HLCS: variants seen among roughly 807,000 people sequenced by gnomAD.
HLCS encodes the protein biotin--protein ligase.
HLCS carries 53 observed loss-of-function variants against 75.0 expected under a neutral mutation model. The ratio of observed to expected loss-of-function variants is 0.71; its 90% CI spans 0.57 to 0.89. The LOEUF (loss-of-function observed/expected upper bound fraction) is 0.89, where lower values mean the gene tolerates loss of function less well. Among genes scored for constraint, HLCS ranks in the 40% least tolerant of loss-of-function variants. The probability of loss-of-function intolerance (pLI) is 0.00; values close to 1 mark genes in which losing one functional copy is unlikely to be tolerated. For synonymous variants in HLCS, 431 were observed against 428.6 expected (o/e 1.01, Z -0.07); for missense variants, 966 against 1,074.0 (o/e 0.90, Z 1.41).
At chr21:36,840,024 C>T (rs908057899) in intron 6 of HLCS, among the ~76,000 whole-genome samples, 2 of 152,232 alleles carry the variant, frequency 1.3e-5, no homozygotes, top group African/African-American at 4.8e-5. Flanking sequence ...ACAAACTAAT[C>T]TTCACTATGG....
At chr21:36,755,012 C>T (rs1284258758) in intron 10 of HLCS, among the ~76,000 whole-genome samples, 1 of 152,188 alleles carries the variant, frequency 6.6e-6, no homozygotes, top group East Asian at 1.9e-4. Flanking sequence ...CTCTTCCATT[C>T]TCACACCAAA....
intron 6 of HLCS, among the ~76,000 whole-genome samples, chr21:36,772,386 C>T (rs1176397557): frequency 2.6e-5 from 4 of 151,952 alleles, no homozygotes; most frequent in Non-Finnish European, 5.9e-5. Flanking sequence ...CTTGTAATCC[C>T]AGCACTTTGG....
At chr21:36,869,334 G>T (rs8129887) in intron 6 of HLCS, among the ~76,000 whole-genome samples, 9,104 of 152,024 alleles carry the variant, frequency 0.06, 908 homozygotes, top group African/African-American at 0.21. Flanking sequence ...GGGTTTCACC[G>T]TGTTAGCCAG....
chr21:36,948,282 C>G (rs1313706379), intron 2 of HLCS: 1 of 124,062 alleles, frequency 8.1e-6, no homozygotes. Context: ...CAGAACGACA[C>G]TCCGTCTAGA....
chr21:36,898,775 T>TG (rs893295562), intron 5 of HLCS, among the ~76,000 whole-genome samples: 13 of 152,066 alleles, frequency 8.5e-5, no homozygotes, highest in African/African-American at 2.2e-4. Context: ...AAGGGTACTG[T>TG]GGGGGCCAGG....
At chr21:36,855,536 TAAA>T (rs71901243) in intron 6 of HLCS, among the ~76,000 whole-genome samples, 24 of 75,652 alleles carry the variant, frequency 3.2e-4, no homozygotes, top group African/African-American at 7.1e-4. Context: ...AGACTCCATC[TAAA>T]AAAAAAAAAA....
Position 36,749,011 on chromosome 21 carries a change from C to G in HLCS, c.*5235G>C, listed in dbSNP as rs377606975. ...TGCAATACGGAACACTGTCAATGGA[C>G]TGCACCTTGTGAAGGAAAAACATGC... is the stretch of plus-strand genomic sequence containing the variant. On this transcript the variant is annotated 3_prime_UTR_variant, in exon 11 of 11. Coordinates refer to ENST00000674895, the MANE Select transcript of HLCS (RefSeq NM_001352514.2). The G allele has an allele frequency of 4.6e-5, 7 of 152,748 alleles. 1 individual carries two copies. The highest frequency in any genetic ancestry group is 3.3e-4 in the Admixed American group (5 of 15,302). 9.5% of individuals were successfully genotyped at this position (152,748 alleles called of 1,614,324 possible).
chr21:36,973,128 G>A (rs951493150), intron 1 of HLCS, among the ~76,000 whole-genome samples: 4 of 151,990 alleles, frequency 2.6e-5, no homozygotes, highest in African/African-American at 9.7e-5. Context: ...TTCTCGGGAG[G>A]CTGAGGTAGG....
intron 1 of HLCS, among the ~76,000 whole-genome samples, chr21:36,978,518 TAAG>T (rs1315634659): frequency 2.0e-5 from 3 of 147,940 alleles, no homozygotes; most frequent in Non-Finnish European, 3.0e-5. Flanking sequence ...AAAAGAAAAT[TAAG>T]AATAGGACCC....
At chr21:36,825,629 T>G (rs556205161) in intron 6 of HLCS, among the ~76,000 whole-genome samples, 126 of 152,250 alleles carry the variant, frequency 8.3e-4, no homozygotes, top group African/African-American at 3.0e-3. Context: ...TATCCCCAGG[T>G]CACCCCCGCC....
intron 6 of HLCS, among the ~76,000 whole-genome samples, chr21:36,851,226 C>T (rs1376980072): frequency 6.6e-6 from 1 of 152,232 alleles, no homozygotes. Flanking sequence ...GCTATCTGCA[C>T]TCCCATGTTT....
chr21:36,823,344 C>T (rs2061903122), intron 6 of HLCS, among the ~76,000 whole-genome samples: 1 of 152,174 alleles, frequency 6.6e-6, no homozygotes, highest in Admixed American at 6.5e-5. Context: ...CTTCTTTCCT[C>T]TCTACACTTG....
intron 4 of HLCS, 82 bp from the exon 5 acceptor site, chr21:36,930,515 T>C (rs2066593423): frequency 8.2e-7 from 1 of 1,216,044 alleles, no homozygotes; most frequent in Admixed American, 2.2e-5. Context: ...TTTTTCTTTT[T>C]TTTTTTAAAT....
intron 5 of HLCS, among the ~76,000 whole-genome samples, chr21:36,929,778 A>G (rs891619631): frequency 7.2e-5 from 11 of 152,258 alleles, no homozygotes; most frequent in Non-Finnish European, 1.3e-4. Context: ...GCATGGGCCA[A>G]GAGAATTCCC....
At chr21:36,772,252 T>C (rs528053937) in intron 6 of HLCS, among the ~76,000 whole-genome samples, 2 of 152,254 alleles carry the variant, frequency 1.3e-5, no homozygotes, top group Non-Finnish European at 2.9e-5. Flanking sequence ...TGTAGATATA[T>C]AATTATAGAC....
chr21:36,943,165 C>T (rs2067227491), intron 2 of HLCS: 1 of 152,028 alleles, frequency 6.6e-6, no homozygotes, highest in Admixed American at 6.6e-5. Context: ...TTGGGAGTTC[C>T]TCAAAGAGTT....
chr21:36,936,986 C>T lies in HLCS; in HGVS notation c.900G>A (p.Arg300=), dbSNP rs146019354. Residue 300 remains arginine (R), a synonymous_variant, in exon 4 of 11, where the codon AGG becomes AGA. Coordinates refer to ENST00000674895, the MANE Select transcript of HLCS (RefSeq NM_001352514.2). ...GTGCCTTTCCCGTGAGGTTGACTCT[C>T]CTCCCTTCTCTTTCGGGGGAGGTCT... ...ADETSPEREG[R]RVNLTGKAPN... 645 of 1,614,146 alleles carry T rather than the reference C, an allele frequency of 4.0e-4. 5 individuals are homozygous for T. In the African/African-American group the frequency reaches 7.9e-3, roughly 20 times the overall value.
At chr21:36,786,164 C>A (rs150610722) in intron 6 of HLCS, among the ~76,000 whole-genome samples, 1 of 152,236 alleles carries the variant, frequency 6.6e-6, no homozygotes, top group East Asian at 1.9e-4. Flanking sequence ...CTTCCTGCTC[C>A]GTTAAAAAGA....
At position 36,829,717 on chromosome 21, in the gene HLCS, T is replaced by C. The variant is rs1387162033; in HGVS notation, c.1893-62432A>G. On this transcript the variant is annotated intron_variant, in intron 6 of 10. Coordinates refer to ENST00000674895, the MANE Select transcript of HLCS (RefSeq NM_001352514.2). ...CATGTAATTTGCTTTTATTTCAAGA[T>C]ACTAAAAAACCTGAGAGATCTCCCC... is the stretch of plus-strand genomic sequence containing the variant. Among the ~76,000 whole-genome samples, 3 of 152,178 alleles carry C rather than the reference T, an allele frequency of 2.0e-5. No homozygotes were observed. The South Asian group carries it at 6.2e-4, about 32-fold the overall frequency.
Sources: gnomAD v4.1 joint callset for allele counts (sites outside exome capture counted in the v4.1 genomes callset) on GRCh38, gnomAD v4.1.1 for gene constraint, MANE v1.5 for transcripts, NCBI Gene and HGNC (gene_info 2026-07-23, HGNC 2026-07-21) for gene names.